UBE3C: variants seen among roughly 807,000 people sequenced by gnomAD.
The protein encoded by UBE3C is ubiquitin-protein ligase E3C.
UBE3C carries 42 observed loss-of-function variants against 129.4 expected under a neutral mutation model. The observed-to-expected ratio is 0.32, with a 90% CI of 0.25 to 0.42. UBE3C has a LOEUF of 0.42. Ranked by LOEUF, UBE3C falls within the 10% of genes least tolerant of loss-of-function variation. The pLI, the probability that UBE3C is intolerant of heterozygous loss-of-function variation, is 1.00. For missense variants in UBE3C, 1,049 were observed against 1,319.1 expected, an observed-to-expected ratio of 0.80 and a Z score of 3.17; for synonymous variants, 510 against 492.4, an observed-to-expected ratio of 1.04 and a Z score of -0.47.
In UBE3C at chr7:157,256,825, G is replaced by A. The variant is rs1048483268; in HGVS notation, c.2951-89G>A. 9.8e-6 allele frequency: 15 copies of A among 1,536,824 alleles called. 1 individual carries two copies. In the Middle Eastern group the frequency reaches 1.4e-3, roughly 145 times the overall value. On this transcript the variant is annotated intron_variant, in intron 21 of 22. Coordinates refer to ENST00000348165, the MANE Select transcript of UBE3C (RefSeq NM_014671.3). ...GGGACTTGAGGATCCATGGACTTTA[G>A]TTTCCGTGGGTGTCTGGACCAATCC...
chr7:157,177,713 C>G (rs1017580244), intron 5 of UBE3C, among the ~76,000 whole-genome samples: 4 of 152,150 alleles, frequency 2.6e-5, no homozygotes, highest in African/African-American at 9.7e-5. Context: ...TGGGTCCTCA[C>G]CCCCTGTCTC....
At chr7:157,150,147 G>A (rs1807717513) in intron 1 of UBE3C, among the ~76,000 whole-genome samples, 1 of 152,186 alleles carries the variant, frequency 6.6e-6, no homozygotes, top group Non-Finnish European at 1.5e-5. Flanking sequence ...GGAGGTGGAG[G>A]CTGGCAGATC....
intron 11 of UBE3C, among the ~76,000 whole-genome samples, chr7:157,204,683 C>T (rs924562905): frequency 6.6e-6 from 1 of 152,186 alleles, no homozygotes; most frequent in African/African-American, 2.4e-5. Context: ...TAGTTTCCTT[C>T]TTCTTGAAGA....
At chr7:157,225,021 T>C (rs989795233) in intron 16 of UBE3C, among the ~76,000 whole-genome samples, 1 of 152,164 alleles carries the variant, frequency 6.6e-6, no homozygotes, top group Non-Finnish European at 1.5e-5. Flanking sequence ...ATTTTAATTT[T>C]ATTTTATTTT....
At chr7:157,191,725 A>G (rs924744133) in intron 10 of UBE3C, among the ~76,000 whole-genome samples, 1 of 152,200 alleles carries the variant, frequency 6.6e-6, no homozygotes, top group African/African-American at 2.4e-5. Context: ...ATAATTTGGG[A>G]TAAAATGATT....
intron 2 of UBE3C, among the ~76,000 whole-genome samples, chr7:157,168,792 G>A (rs553601672): frequency 6.6e-6 from 1 of 152,306 alleles, no homozygotes; most frequent in African/African-American, 2.4e-5. Flanking sequence ...GAGAAGGGAC[G>A]GCAGGAAACG....
At position 157,187,037 on chromosome 7, in the gene UBE3C, C is replaced by T. The variant is rs775748684; in HGVS notation, c.1331+16C>T. The T allele has an allele frequency of 1.7e-5, 27 of 1,580,570 alleles. No homozygotes were observed. The highest frequency in any genetic ancestry group is 2.1e-5 in the Non-Finnish European group (25 of 1,163,004). ...CCAAAGTCAGGCAAGTGTCCGTGGG[C>T]GTCTGTGCCAGGGGGTGCCAGCCAG... is the stretch of plus-strand genomic sequence containing the variant. On this transcript the variant is annotated intron_variant, in intron 10 of 22. Transcript: ENST00000348165.
At chr7:157,212,576 A>G (rs934460872) in intron 13 of UBE3C, among the ~76,000 whole-genome samples, 4 of 152,186 alleles carry the variant, frequency 2.6e-5, no homozygotes, top group Admixed American at 6.5e-5. Flanking sequence ...TTAATTTACA[A>G]TGTTTACCTT....
At chr7:157,173,325 A>G (rs193178159) in intron 4 of UBE3C, among the ~76,000 whole-genome samples, 51 of 152,320 alleles carry the variant, frequency 3.3e-4, no homozygotes, top group African/African-American at 1.0e-3. Flanking sequence ...GCAGTGAGCT[A>G]TGATCCTGCG....
chr7:157,261,317 A>G (rs1295681251), intron 22 of UBE3C, among the ~76,000 whole-genome samples: 53 of 105,810 alleles, frequency 5.0e-4, no homozygotes, highest in Middle Eastern at 4.4e-3. Context: ...AAAAAAAAAA[A>G]AAAAAAAAAA....
At chr7:157,208,547 C>T (rs1586689617) in intron 13 of UBE3C, among the ~76,000 whole-genome samples, 1 of 152,074 alleles carries the variant, frequency 6.6e-6, no homozygotes, top group African/African-American at 2.4e-5. Context: ...AACTGTGACA[C>T]GATGAAATAT....
Position 157,253,959 on chromosome 7 carries a change from T to C in UBE3C, c.2700T>C (p.Val900=), listed in dbSNP as rs899989572. Residue 900 remains valine, a synonymous_variant, in exon 20 of 23, where the codon GTT becomes GTC. Coordinates refer to ENST00000348165, the MANE Select transcript of UBE3C (RefSeq NM_014671.3). ...CTTACGTTTTGTATTCCCAGGTAGT[T>C]GAACTAAAATTCGGTGGGAAAGACA... is the stretch of plus-strand genomic sequence containing the variant. The part of the protein sequence containing the change: ...VNNDLGEAQV[V]ELKFGGKDIP... 1 of 1,581,720 alleles carries C rather than the reference T, an allele frequency of 6.3e-7. No individual in the cohort carries two copies. The highest frequency in any genetic ancestry group is 1.8e-5 in the Admixed American group (1 of 55,770).
Position 157,249,761 on chromosome 7 carries a change from C to T in UBE3C, c.2694+1181C>T, listed in dbSNP as rs557039543. Among the ~76,000 whole-genome samples, 21 of 152,218 alleles carry T rather than the reference C, an allele frequency of 1.4e-4. 1 individual carries two copies. Among genetic ancestry groups the T allele is most frequent in the Admixed American group, 1.3e-3 (20 of 15,290 alleles). ...CATTTGGGTTGTTCCTATGTTTGGG[C>T]TAATAAGAATATTACTGTTATAAAC... On this transcript the variant is annotated intron_variant, in intron 19 of 22. Transcript: ENST00000348165.
Position 157,199,902 on chromosome 7 carries a change from A to G in UBE3C, c.1332-1819A>G, listed in dbSNP as rs112706506. Among the ~76,000 whole-genome samples the G allele has an allele frequency of 4.9e-3, 746 of 152,190 alleles. 4 individuals are homozygous for G. Among genetic ancestry groups the G allele is most frequent in the African/African-American group, 8.2e-3 (342 of 41,548 alleles). Reference sequence around the variant, plus strand: ...TTTTTCGTTTTTCCAATATTATTAAATATTTATTATTAAGTAATATTTTCC... The same window carrying G: ...TTTTTCGTTTTTCCAATATTATTAAGTATTTATTATTAAGTAATATTTTCC... On this transcript the variant is annotated intron_variant, in intron 10 of 22. Coordinates refer to ENST00000348165, the MANE Select transcript of UBE3C (RefSeq NM_014671.3).
chr7:157,264,290 G>A (rs1472903104), intron 22 of UBE3C, among the ~76,000 whole-genome samples: 1 of 93,134 alleles, frequency 1.1e-5, no homozygotes, highest in East Asian at 2.9e-4. Context: ...AACATGCTTG[G>A]CCTGTTACAC....
chr7:157,175,927 G>A (rs935441616), intron 5 of UBE3C, among the ~76,000 whole-genome samples: 11 of 151,998 alleles, frequency 7.2e-5, no homozygotes, highest in African/African-American at 2.2e-4. Flanking sequence ...GTCCACATAT[G>A]GTCTCTATTA....
At chr7:157,172,256 A>G (rs1157927658) in intron 4 of UBE3C, among the ~76,000 whole-genome samples, 1 of 151,346 alleles carries the variant, frequency 6.6e-6, no homozygotes, top group Non-Finnish European at 1.5e-5. Context: ...GCTGGTCTGT[A>G]CTCCTGACAT....
chr7:157,230,395 G>GA (rs59540123), intron 17 of UBE3C, among the ~76,000 whole-genome samples: 26,799 of 137,770 alleles, frequency 0.19, 2,551 homozygotes, highest in East Asian at 0.37. Flanking sequence ...ATAAGCTTTT[G>GA]AAAAAAAAAA....
chr7:157,234,425 G>A (rs1411213625), intron 18 of UBE3C, among the ~76,000 whole-genome samples: 2 of 152,102 alleles, frequency 1.3e-5, no homozygotes, highest in Non-Finnish European at 2.9e-5. Context: ...TAACACTCTG[G>A]GTCTGCCCTT....
Sources: allele counts gnomAD v4.1 joint callset (sites outside exome capture counted in the v4.1 genomes callset), GRCh38; gene constraint gnomAD v4.1.1; transcripts MANE v1.5; gene names NCBI Gene and HGNC (gene_info 2026-07-23, HGNC 2026-07-21).